ST8SIA6: variants seen among roughly 807,000 people sequenced by gnomAD.
ST8SIA6 encodes the protein ST8 alpha-N-acetyl-neuraminide alpha-2,8-sialyltransferase 6.
In ST8SIA6, 39 loss-of-function variants were observed where a neutral mutation model predicts 33.6. The ratio of observed to expected loss-of-function variants is 1.16; its 90% CI spans 0.90 to 1.52. ST8SIA6 has a LOEUF of 1.52. Ranked by LOEUF, ST8SIA6 falls within the 40% of genes most tolerant of loss-of-function variation. The pLI is 0.00. For missense variants in ST8SIA6, 441 were observed against 443.8 expected, an observed-to-expected ratio of 0.99 and a Z score of 0.06; for synonymous variants, 172 against 167.2, an observed-to-expected ratio of 1.03 and a Z score of -0.22.
intron 2 of ST8SIA6, among the ~76,000 whole-genome samples, chr10:17,451,252 G>A (rs1398679723): frequency 1.3e-5 from 2 of 152,184 alleles, no homozygotes; most frequent in Non-Finnish European, 2.9e-5. Context: ...CATAAAAAAA[G>A]AAGGATTTAA....
At chr10:17,390,932 C>G (rs1471043542) in intron 2 of ST8SIA6, among the ~76,000 whole-genome samples, 1 of 150,918 alleles carries the variant, frequency 6.6e-6, no homozygotes, top group Admixed American at 6.6e-5. Context: ...AATCTCAGCT[C>G]ACTGCAACCT....
At position 17,419,081 on chromosome 10, in the gene ST8SIA6, G is replaced by T. The variant is rs561873859; in HGVS notation, c.201-28461C>A. Among the ~76,000 whole-genome samples, 4 of 148,934 alleles carry T rather than the reference G, an allele frequency of 2.7e-5. No individual in the cohort carries two copies. The South Asian group carries it at 6.4e-4, about 24-fold the overall frequency. On this transcript the variant is annotated intron_variant, in intron 2 of 7. Transcript: ENST00000377602. ...TAAATCTTTATCTTCCCTTTACATAGCAAAATAACATTTTTTCCCTTTGTC... is the reference window on the plus strand; with the variant it reads ...TAAATCTTTATCTTCCCTTTACATATCAAAATAACATTTTTTCCCTTTGTC...
intron 3 of ST8SIA6, among the ~76,000 whole-genome samples, chr10:17,370,305 G>A (rs573200498): frequency 9.9e-5 from 15 of 152,010 alleles, no homozygotes; most frequent in Non-Finnish European, 1.3e-4. Context: ...ACTTTTGATT[G>A]GGTGATTTAA....
In ST8SIA6 at chr10:17,437,744, TTC is replaced by T. The variant is rs1852331691; in HGVS notation, c.200+15813_200+15814del. On this transcript the variant is annotated intron_variant, in intron 2 of 7. Transcript: ENST00000377602. ...CCCTCCCTTCCCTCCCTTTCTCTCT[TTC>T]TCTCTTCCTTTCTTTCTTCTGTCAC... Among the ~76,000 whole-genome samples the T allele has an allele frequency of 2.7e-5, 4 of 148,574 alleles. No homozygotes were observed. The South Asian group carries it at 9.1e-4, about 34-fold the overall frequency.
intron 4 of ST8SIA6, among the ~76,000 whole-genome samples, chr10:17,332,497 C>T (rs1045249736): frequency 3.3e-5 from 5 of 152,184 alleles, no homozygotes; most frequent in Admixed American, 1.3e-4. Context: ...CAGAGTCTCA[C>T]TCAATCTCCC....
At chr10:17,434,289 T>A (rs1852186210) in intron 2 of ST8SIA6, among the ~76,000 whole-genome samples, 1 of 152,182 alleles carries the variant, frequency 6.6e-6, no homozygotes, top group South Asian at 2.1e-4. Context: ...CGTGCTTTGC[T>A]ACAAACACTG....
At chr10:17,447,403 T>C (rs577273852) in intron 2 of ST8SIA6, among the ~76,000 whole-genome samples, 15 of 151,482 alleles carry the variant, frequency 9.9e-5, no homozygotes, top group Non-Finnish European at 1.6e-4. Flanking sequence ...CAAAATTCCT[T>C]CTCAAAAGAA....
chr10:17,396,035 G>A (rs1015877450), intron 2 of ST8SIA6, among the ~76,000 whole-genome samples: 9 of 152,138 alleles, frequency 5.9e-5, no homozygotes, highest in Non-Finnish European at 1.3e-4. Flanking sequence ...TCTGTAGTCG[G>A]GTTAGCATGA....
At chr10:17,335,635 G>C (rs963466135) in intron 4 of ST8SIA6, among the ~76,000 whole-genome samples, 1 of 152,094 alleles carries the variant, frequency 6.6e-6, no homozygotes, top group East Asian at 1.9e-4. Context: ...CAAAAAAGAT[G>C]GTTCATGGAG....
chr10:17,352,044 A>T (rs1166791560), intron 4 of ST8SIA6, among the ~76,000 whole-genome samples: 1 of 146,270 alleles, frequency 6.8e-6, no homozygotes, highest in African/African-American at 2.5e-5. Flanking sequence ...AAATGTTCTC[A>T]CTAAAAAAAA....
chr10:17,390,832 C>T (rs1409664691), intron 2 of ST8SIA6, among the ~76,000 whole-genome samples: 1 of 145,910 alleles, frequency 6.9e-6, no homozygotes, highest in Non-Finnish European at 1.5e-5. Flanking sequence ...GCTGTAAAGT[C>T]AAACATAAGA....
chr10:17,396,249 G>C (rs903809248), intron 2 of ST8SIA6, among the ~76,000 whole-genome samples: 1 of 152,174 alleles, frequency 6.6e-6, no homozygotes, highest in East Asian at 1.9e-4. Context: ...CTGCCATAAT[G>C]TAGCAATACA....
chr10:17,395,653 C>T (rs891069236), intron 2 of ST8SIA6, among the ~76,000 whole-genome samples: 9 of 152,116 alleles, frequency 5.9e-5, no homozygotes, highest in Non-Finnish European at 7.4e-5. Flanking sequence ...GAGGCCAAGG[C>T]GGGCAGATCA....
In ST8SIA6 at chr10:17,319,409, G is replaced by C. The variant is rs555198121; in HGVS notation, c.*1469C>G. 2.6e-5 allele frequency among the ~76,000 whole-genome samples: 4 copies of C among 152,260 alleles called. No individual in the cohort carries two copies. Among genetic ancestry groups the C allele is most frequent in the African/African-American group, 9.6e-5 (4 of 41,564 alleles). The stretch of plus-strand genomic sequence containing the variant: ...GGCTAACGTGAATCTAGGTAGGATT[G>C]TTGTAAAATTTCACACGTGCTTTTA... On this transcript the variant is annotated 3_prime_UTR_variant, in exon 8 of 8. Transcript: ENST00000377602.
intron 2 of ST8SIA6, among the ~76,000 whole-genome samples, chr10:17,424,578 G>T (rs565987611): frequency 6.6e-5 from 10 of 152,122 alleles, no homozygotes; most frequent in African/African-American, 2.4e-4. Context: ...AAGACAAACC[G>T]TATTTTCATT....
chr10:17,423,253 C>T (rs937645546), intron 2 of ST8SIA6, among the ~76,000 whole-genome samples: 1 of 152,224 alleles, frequency 6.6e-6, no homozygotes, highest in Non-Finnish European at 1.5e-5. Flanking sequence ...ACTATATTTA[C>T]AATTGCGCAC....
In ST8SIA6 at chr10:17,393,808, T is replaced by G. The variant is rs183846291; in HGVS notation, c.201-3188A>C. Among the ~76,000 whole-genome samples, 36 of 152,218 alleles carry G rather than the reference T, an allele frequency of 2.4e-4. 1 individual carries two copies. The highest frequency in any genetic ancestry group is 8.4e-4 in the African/African-American group (35 of 41,524). On this transcript the variant is annotated intron_variant, in intron 2 of 7. Transcript: ENST00000377602. ...GTAATTCTCCAATATTTCTCAGAAATCCTTTCTAAAAACTGCCTGCAGAGT... is the reference window on the plus strand; with the variant it reads ...GTAATTCTCCAATATTTCTCAGAAAGCCTTTCTAAAAACTGCCTGCAGAGT...
At chr10:17,323,648 G>T (rs1001581541) in intron 6 of ST8SIA6, among the ~76,000 whole-genome samples, 2 of 151,966 alleles carry the variant, frequency 1.3e-5, no homozygotes, top group Non-Finnish European at 2.9e-5. Flanking sequence ...GCCTCCCAAA[G>T]TGCTGGGATT....
At chr10:17,364,952 T>C (rs1032336690) in intron 3 of ST8SIA6, among the ~76,000 whole-genome samples, 1 of 152,256 alleles carries the variant, frequency 6.6e-6, no homozygotes, top group Admixed American at 6.5e-5. Flanking sequence ...AACAGCTTGC[T>C]CAATATTGCC....
Sources: allele counts gnomAD v4.1 joint callset (sites outside exome capture counted in the v4.1 genomes callset), GRCh38; gene constraint gnomAD v4.1.1; transcripts MANE v1.5; gene names NCBI Gene and HGNC (gene_info 2026-07-23, HGNC 2026-07-21).